Variants in RNF150 observed in about 807,000 individuals in gnomAD.
RNF150 encodes ring finger protein 150.
RNF150 carries 24 observed loss-of-function variants against 39.3 expected under a neutral mutation model. The ratio of observed to expected loss-of-function variants is 0.61; its 90% CI spans 0.44 to 0.86. The LOEUF is 0.86. Among genes scored for constraint, RNF150 ranks in the 40% least tolerant of loss-of-function variants. The pLI, the probability that RNF150 is intolerant of heterozygous loss-of-function variation, is 0.00. For synonymous variants in RNF150, 255 were observed against 227.3 expected (o/e 1.12, Z -1.10); for missense variants, 502 against 587.8 (o/e 0.85, Z 1.51).
At chr4:141,063,991 C>CAA (rs35348369) in intron 1 of RNF150, among the ~76,000 whole-genome samples, 4,202 of 116,570 alleles carry the variant, frequency 0.036, 116 homozygotes, top group African/African-American at 0.053. Flanking sequence ...AAAAGTTCTA[C>CAA]AAAAAAAAAA....
At chr4:141,144,590 G>C (rs1432772765) in intron 1 of RNF150, among the ~76,000 whole-genome samples, 1 of 149,644 alleles carries the variant, frequency 6.7e-6, no homozygotes, top group African/African-American at 2.4e-5. Context: ...GTTTTTAGGA[G>C]CATGAATGCT....
At chr4:140,892,759 T>C (rs553309343) in intron 6 of RNF150, among the ~76,000 whole-genome samples, 1 of 151,480 alleles carries the variant, frequency 6.6e-6, no homozygotes, top group South Asian at 2.1e-4. Flanking sequence ...AACTGTACCC[T>C]AGAGTAAAAG....
chr4:141,108,553 A>G (rs1185128893), intron 1 of RNF150, among the ~76,000 whole-genome samples: 2 of 152,238 alleles, frequency 1.3e-5, no homozygotes, highest in Non-Finnish European at 2.9e-5. Flanking sequence ...TTTTTAAAAA[A>G]AACATTTTAA....
intron 5 of RNF150, among the ~76,000 whole-genome samples, chr4:140,918,528 T>C (rs1730949896): frequency 6.6e-6 from 1 of 152,110 alleles, no homozygotes; most frequent in South Asian, 2.1e-4. Context: ...GGCTCTGAAA[T>C]TGTGGCAATA....
rs574589361 is a variant in RNF150 at position 141,197,704 on chromosome 4, C to A, written c.-6+15090G>T. ...CCATCCTGGCTAACATGGTGAAACC[C>A]CATCTCTACTAAAACTACAAAAAAT... On this transcript the variant is annotated intron_variant, in intron 1 of 7. Coordinates refer to the RNF150 transcript ENST00000420921. Among the ~76,000 whole-genome samples the A allele has an allele frequency of 7.9e-5, 12 of 152,036 alleles. No individual in the cohort carries two copies. In the South Asian group the frequency reaches 2.5e-3, roughly 32 times the overall value.
At chr4:141,100,815 C>A (rs1738981503) in intron 1 of RNF150, among the ~76,000 whole-genome samples, 1 of 152,188 alleles carries the variant, frequency 6.6e-6, no homozygotes, top group Non-Finnish European at 1.5e-5. Flanking sequence ...CCTATTGCTC[C>A]TAGGCCACAA....
chr4:141,096,661 T>G (rs1436720529), intron 1 of RNF150, among the ~76,000 whole-genome samples: 1 of 152,232 alleles, frequency 6.6e-6, no homozygotes, highest in Non-Finnish European at 1.5e-5. Context: ...CTAATGATAC[T>G]TTAATATTTA....
At chr4:141,047,969 G>T (rs1241564251) in intron 1 of RNF150, among the ~76,000 whole-genome samples, 1 of 152,124 alleles carries the variant, frequency 6.6e-6, no homozygotes, top group South Asian at 2.1e-4. Flanking sequence ...GTCAATAGGA[G>T]AATGAGAGTA....
chr4:141,115,207 C>T (rs754210081), intron 1 of RNF150, among the ~76,000 whole-genome samples: 2 of 152,112 alleles, frequency 1.3e-5, no homozygotes, highest in South Asian at 2.1e-4. Context: ...AAATTGTCTC[C>T]GTTTGCAGAC....
intron 2 of RNF150, among the ~76,000 whole-genome samples, chr4:140,954,419 A>G (rs759830707): frequency 2.6e-5 from 4 of 151,970 alleles, no homozygotes; most frequent in Non-Finnish European, 5.9e-5. Flanking sequence ...TTCACCATGT[A>G]GGTCTTGAAT....
At chr4:140,942,112 T>C (rs1253467902) in intron 4 of RNF150, among the ~76,000 whole-genome samples, 2 of 152,200 alleles carry the variant, frequency 1.3e-5, no homozygotes, top group Non-Finnish European at 2.9e-5. Context: ...TGTCACTGAA[T>C]TGTATATTTA....
chr4:140,879,154 T>A (rs887960726), intron 6 of RNF150, among the ~76,000 whole-genome samples: 1 of 152,208 alleles, frequency 6.6e-6, no homozygotes, highest in African/African-American at 2.4e-5. Context: ...CTCTGTAATA[T>A]GTTTTGAAAT....
chr4:141,188,605 G>C (rs933884273), intron 1 of RNF150, among the ~76,000 whole-genome samples: 15 of 151,518 alleles, frequency 9.9e-5, no homozygotes, highest in African/African-American at 3.6e-4. Flanking sequence ...GTTGATCTTC[G>C]ATCTCTGATA....
chr4:141,206,419 C>CAAAAAAAAAAA (rs58176149), intron 1 of RNF150, among the ~76,000 whole-genome samples: 1 of 64,230 alleles, frequency 1.6e-5, no homozygotes, highest in South Asian at 5.7e-4. Context: ...GACTCAATCT[C>CAAAAAAAAAAA]AAAAAAAAAA....
At chr4:140,961,091 C>A (rs1425444) in intron 2 of RNF150, among the ~76,000 whole-genome samples, 77,052 of 151,884 alleles carry the variant, frequency 0.51, 19,958 homozygotes, top group East Asian at 0.79. Flanking sequence ...CTATTACCCT[C>A]TACCAGATTT....
At chr4:140,890,618 C>G (rs28375094) in intron 6 of RNF150, among the ~76,000 whole-genome samples, 4,479 of 152,294 alleles carry the variant, frequency 0.029, 167 homozygotes, top group African/African-American at 0.087. Flanking sequence ...ACTGAGGACA[C>G]AGAGAGACAG....
At position 140,895,592 on chromosome 4, in the gene RNF150, C is replaced by T. The variant is rs1488357125; in HGVS notation, c.1198+15552G>A. Among the ~76,000 whole-genome samples the T allele has an allele frequency of 2.0e-5, 3 of 152,192 alleles. No homozygotes were observed. The East Asian group carries it at 5.8e-4, about 29-fold the overall frequency. ...CAGCTCCCAGAACACATTGTCTATA[C>T]TCTTAACTTTGGTGGCAGATCATTC... is the stretch of plus-strand genomic sequence containing the variant. On this transcript the variant is annotated intron_variant, in intron 6 of 6. Transcript: ENST00000515673.
intron 6 of RNF150, among the ~76,000 whole-genome samples, chr4:140,890,016 A>C (rs1320387906): frequency 1.3e-5 from 2 of 151,842 alleles, no homozygotes; most frequent in African/African-American, 2.4e-5. Flanking sequence ...ACAAATAAAA[A>C]CCCCCACATT....
chr4:141,028,106 T>G (rs1450321522), intron 1 of RNF150, among the ~76,000 whole-genome samples: 1 of 151,944 alleles, frequency 6.6e-6, no homozygotes, highest in Non-Finnish European at 1.5e-5. Flanking sequence ...ACATACACAG[T>G]GTTGGGACAA....
Sources: allele counts gnomAD v4.1 joint callset (sites outside exome capture counted in the v4.1 genomes callset), GRCh38; gene constraint gnomAD v4.1.1; transcripts MANE v1.5; gene names NCBI Gene and HGNC (gene_info 2026-07-23, HGNC 2026-07-21).